MAGI2: variants seen among roughly 807,000 people sequenced by gnomAD.
The protein encoded by MAGI2 is membrane associated guanylate kinase, WW and PDZ domain containing 2, also known as membrane-associated guanylate kinase, WW and PDZ domain-containing protein 2.
Under a neutral mutation model 133.3 loss-of-function variants are expected in MAGI2, and 35 were observed. The ratio of observed to expected loss-of-function variants is 0.26; its 90% CI spans 0.20 to 0.35. The LOEUF (loss-of-function observed/expected upper bound fraction) is 0.35, where lower values mean the gene tolerates loss of function less well. Ranked by LOEUF, MAGI2 falls within the 10% of genes least tolerant of loss-of-function variation. MAGI2 has a pLI of 1.00. For missense variants in MAGI2, 1,636 were observed against 1,863.4 expected (o/e 0.88, Z 2.25); for synonymous variants, 729 against 710.6 (o/e 1.03, Z -0.41).
chr7:78,662,574 C>A (rs1366709449), intron 2 of MAGI2, among the ~76,000 whole-genome samples: 1 of 151,978 alleles, frequency 6.6e-6, no homozygotes, highest in African/African-American at 2.4e-5. Context: ...CATCTAATTG[C>A]CAAATTTTAT....
chr7:78,734,589 C>A (rs1188408044), intron 2 of MAGI2, among the ~76,000 whole-genome samples: 1 of 152,146 alleles, frequency 6.6e-6, no homozygotes, highest in Non-Finnish European at 1.5e-5. Flanking sequence ...CCTATGTGAC[C>A]CGCTTCAGAC....
At chr7:78,414,458 G>A (rs1583983926) in intron 6 of MAGI2, among the ~76,000 whole-genome samples, 1 of 151,890 alleles carries the variant, frequency 6.6e-6, no homozygotes, top group East Asian at 1.9e-4. Context: ...TTGTTGTTGG[G>A]CTTTATTTTA....
At chr7:78,372,896 G>A (rs75594579) in intron 6 of MAGI2, among the ~76,000 whole-genome samples, 8,195 of 152,202 alleles carry the variant, frequency 0.054, 319 homozygotes, top group South Asian at 0.095. Context: ...CTTTATGGTA[G>A]CTCAGTAAGA....
At chr7:78,542,984 A>C (rs576559410) in intron 3 of MAGI2, among the ~76,000 whole-genome samples, 1 of 152,344 alleles carries the variant, frequency 6.6e-6, no homozygotes, top group East Asian at 1.9e-4. Flanking sequence ...GATATCATTA[A>C]AACTGAAAGG....
At chr7:78,292,010 T>C (rs1796763068) in intron 9 of MAGI2, among the ~76,000 whole-genome samples, 1 of 152,180 alleles carries the variant, frequency 6.6e-6, no homozygotes, top group African/African-American at 2.4e-5. Flanking sequence ...GCATTCCCTT[T>C]GAAAACTGGC....
chr7:79,243,322 G>T, intron 1 of MAGI2, among the ~76,000 whole-genome samples: 1 of 152,124 alleles, frequency 6.6e-6, no homozygotes, highest in Admixed American at 6.5e-5. Context: ...GTGAAGAGTG[G>T]ATTTCTTATC....
chr7:79,017,217 CAGGCCCCTCCAGTGAGTT>C (rs1808823925), intron 1 of MAGI2, among the ~76,000 whole-genome samples: 1 of 152,226 alleles, frequency 6.6e-6, no homozygotes. Context: ...GGAAACAATT[CAGGCCCCTCCAGTGAGTT>C]AGGTTCCTAA....
chr7:78,303,403 A>T (rs898055422), intron 9 of MAGI2, among the ~76,000 whole-genome samples: 1 of 149,276 alleles, frequency 6.7e-6, no homozygotes, highest in African/African-American at 2.5e-5. Context: ...AAAAAAAAAA[A>T]GCTCCCTCCT....
chr7:78,482,115 A>C (rs1489977956), intron 6 of MAGI2, among the ~76,000 whole-genome samples: 3 of 151,952 alleles, frequency 2.0e-5, no homozygotes, highest in Admixed American at 6.6e-5. Context: ...ACTAATTAGG[A>C]TATAGATATG....
chr7:78,587,639 A>T (rs1467789723), intron 3 of MAGI2, among the ~76,000 whole-genome samples: 1 of 152,232 alleles, frequency 6.6e-6, no homozygotes, highest in East Asian at 1.9e-4. Flanking sequence ...CAACCAGTAG[A>T]TGACGCTCGT....
intron 10 of MAGI2, among the ~76,000 whole-genome samples, chr7:78,249,254 A>G (rs190406287): frequency 1.3e-5 from 2 of 152,280 alleles, no homozygotes. Context: ...ACCCTTGCAC[A>G]CTGTGGATGG....
rs71095383 is a variant in MAGI2 at position 79,185,516 on chromosome 7, ATT to A, written c.302-178312_302-178311del. 5.6e-3 allele frequency among the ~76,000 whole-genome samples: 707 copies of A among 126,540 alleles called. 2 individuals carry two copies. Among genetic ancestry groups the A allele is most frequent in the Middle Eastern group, 0.013 (3 of 234 alleles). The allele number at this position is 126,540 out of a possible 152,430, so 83.0% of individuals were successfully genotyped here. A position where few individuals can be genotyped will look rare whatever the true frequency, so the allele number is the denominator to read the frequency against. On this transcript the variant is annotated intron_variant, in intron 1 of 21. Transcript: ENST00000354212. ...GTGGCAGTTGGTTACCAATTTGGTC[ATT>A]TTTTTTTTTTTTTTTTTGTAGTCAA...
chr7:79,230,542 G>C (rs1213130634), intron 1 of MAGI2, among the ~76,000 whole-genome samples: 2 of 151,852 alleles, frequency 1.3e-5, no homozygotes, highest in Non-Finnish European at 2.9e-5. Context: ...CTGATGGCCA[G>C]TGATGACGAG....
intron 1 of MAGI2, among the ~76,000 whole-genome samples, chr7:79,356,955 A>G (rs1006251524): frequency 2.0e-5 from 3 of 152,212 alleles, no homozygotes; most frequent in African/African-American, 7.2e-5. Flanking sequence ...CTCTCAAAAG[A>G]AGAAAAGGAG....
intron 20 of MAGI2, among the ~76,000 whole-genome samples, chr7:78,093,212 C>G (rs1219762375): frequency 6.9e-6 from 1 of 145,702 alleles, no homozygotes; most frequent in Non-Finnish European, 1.5e-5. Flanking sequence ...AATCCCAACA[C>G]TTTGGGAGGC....
At chr7:78,039,442 T>G (rs1440068783) in intron 21 of MAGI2, 1 of 152,242 alleles carries the variant, frequency 6.6e-6, no homozygotes, top group Non-Finnish European at 1.5e-5. Context: ...GTGGAAAACC[T>G]GGAATTCTCT....
intron 1 of MAGI2, among the ~76,000 whole-genome samples, chr7:79,299,414 T>C (rs914099547): frequency 4.0e-5 from 6 of 151,896 alleles, no homozygotes; most frequent in African/African-American, 1.4e-4. Context: ...GAGTAGATTT[T>C]GAAGAGGCAT....
intron 7 of MAGI2, among the ~76,000 whole-genome samples, chr7:78,366,006 G>A (rs753637415): frequency 2.0e-5 from 3 of 152,172 alleles, no homozygotes; most frequent in Non-Finnish European, 4.4e-5. Flanking sequence ...GACCTCTTGT[G>A]TCCATGCACG....
At chr7:78,104,416 G>A (rs1818477126) in intron 20 of MAGI2, among the ~76,000 whole-genome samples, 3 of 151,816 alleles carry the variant, frequency 2.0e-5, no homozygotes. Context: ...TAGAGATGGG[G>A]TTTCGCTGTG....
Sources: gnomAD v4.1 joint callset for allele counts (sites outside exome capture counted in the v4.1 genomes callset) on GRCh38, gnomAD v4.1.1 for gene constraint, MANE v1.5 for transcripts, NCBI Gene and HGNC (gene_info 2026-07-23, HGNC 2026-07-21) for gene names.